The following ERC2 variants were observed in gnomAD, a reference collection of about 807,000 sequenced individuals.
ERC2 encodes the protein ERC protein 2.
ERC2 carries 42 observed loss-of-function variants against 114.8 expected under a neutral mutation model. That is an observed-to-expected ratio of 0.37 (90% CI 0.29 to 0.47). The LOEUF is 0.47. Among genes scored for constraint, ERC2 ranks in the 20% least tolerant of loss-of-function variants. ERC2 has a pLI of 0.99. For synonymous variants in ERC2, 454 were observed against 425.5 expected (o/e 1.07, Z -0.82); for missense variants, 939 against 1,150.7 (o/e 0.82, Z 2.66).
At chr3:55,973,953 T>A (rs1220761231) in intron 12 of ERC2, among the ~76,000 whole-genome samples, 1 of 152,098 alleles carries the variant, frequency 6.6e-6, no homozygotes, top group Non-Finnish European at 1.5e-5. Flanking sequence ...CATTTTAATT[T>A]TAGAAAACTA....
Position 56,456,661 on chromosome 3 carries a change from T to C in ERC2, c.-141+11587A>G, listed in dbSNP as rs573116109. On this transcript the variant is annotated intron_variant, in intron 1 of 17. Coordinates refer to ENST00000288221, the MANE Select transcript of ERC2 (RefSeq NM_015576.3). ...CACTAGCCATATTGGGCATGCCTAA[T>C]GGTTTCAATGTTTGGCTCAATTACA... Among the ~76,000 whole-genome samples, 3 of 152,356 alleles carry C rather than the reference T, an allele frequency of 2.0e-5. No homozygotes were observed. In the South Asian group the frequency reaches 6.2e-4, roughly 32 times the overall value.
intron 17 of ERC2, among the ~76,000 whole-genome samples, chr3:55,624,565 G>C (rs1248894446): frequency 6.6e-6 from 1 of 152,218 alleles, no homozygotes; most frequent in Non-Finnish European, 1.5e-5. Context: ...CCAGTGACTA[G>C]ACATGAGGTG....
intron 4 of ERC2, among the ~76,000 whole-genome samples, chr3:56,165,968 C>T (rs112300884): frequency 6.6e-6 from 1 of 151,868 alleles, no homozygotes; most frequent in Non-Finnish European, 1.5e-5. Flanking sequence ...TGTCTTATTC[C>T]TTATATCATA....
intron 6 of ERC2, among the ~76,000 whole-genome samples, chr3:56,096,202 T>A (rs2078053726): frequency 6.6e-6 from 1 of 152,270 alleles, no homozygotes. Context: ...ATACATTATA[T>A]ATTCTATCAT....
At chr3:56,072,993 T>C (rs960738359) in intron 7 of ERC2, among the ~76,000 whole-genome samples, 6 of 152,212 alleles carry the variant, frequency 3.9e-5, no homozygotes, top group African/African-American at 1.4e-4. Flanking sequence ...CACTCACATA[T>C]ATAAGTATAG....
intron 3 of ERC2, among the ~76,000 whole-genome samples, chr3:56,270,154 G>T (rs1442135398): frequency 6.6e-6 from 1 of 150,472 alleles, no homozygotes; most frequent in Non-Finnish European, 1.5e-5. Flanking sequence ...TTTCCAATGA[G>T]GGCACAAGAG....
At position 55,699,420 on chromosome 3, in the gene ERC2, A is replaced by T; in HGVS notation, c.2805T>A (p.Pro935=). The T allele has an allele frequency of 1.9e-6, 3 of 1,613,838 alleles. No individual in the cohort carries two copies. The highest frequency in any genetic ancestry group is 2.5e-6 in the Non-Finnish European group (3 of 1,179,812). The change falls in exon 16 of 18, where the codon CCT becomes CCA. Residue 935 remains proline, a synonymous_variant. Transcript: ENST00000288221. The part of the protein sequence containing the change: ...HHHHHHHHRS[P]GRSQHSNHRP... ...TGTGATTGGAATGTTGCGACCTCCCAGGAGATCGATGGTGGTGGTGATGGT... is the reference window on the plus strand; with the variant it reads ...TGTGATTGGAATGTTGCGACCTCCCTGGAGATCGATGGTGGTGGTGATGGT...
At chr3:55,861,653 T>C (rs1048968762) in intron 14 of ERC2, among the ~76,000 whole-genome samples, 1 of 152,202 alleles carries the variant, frequency 6.6e-6, no homozygotes, top group Non-Finnish European at 1.5e-5. Flanking sequence ...TTCAAAACTT[T>C]GAACTGGATT....
chr3:55,808,217 G>A (rs562549447), intron 14 of ERC2, among the ~76,000 whole-genome samples: 1 of 152,280 alleles, frequency 6.6e-6, no homozygotes, highest in Admixed American at 6.5e-5. Context: ...AGGTCATGCT[G>A]GCTCAATGGG....
At chr3:56,145,681 G>A (rs1172965685) in intron 5 of ERC2, among the ~76,000 whole-genome samples, 3 of 152,106 alleles carry the variant, frequency 2.0e-5, no homozygotes, top group Non-Finnish European at 2.9e-5. Flanking sequence ...ACTATGTTTT[G>A]TATTCCTGCC....
At chr3:56,082,970 C>G (rs577003630) in intron 6 of ERC2, among the ~76,000 whole-genome samples, 1 of 152,334 alleles carries the variant, frequency 6.6e-6, no homozygotes, top group South Asian at 2.1e-4. Flanking sequence ...CATTCCTAAA[C>G]CATCCCCCAC....
At chr3:55,840,787 A>G (rs2061098421) in intron 14 of ERC2, among the ~76,000 whole-genome samples, 1 of 152,170 alleles carries the variant, frequency 6.6e-6, no homozygotes, top group Non-Finnish European at 1.5e-5. Context: ...GCATACTAGT[A>G]GGCAATAAAA....
chr3:55,839,554 CAGAA>C (rs1054105065), intron 14 of ERC2, among the ~76,000 whole-genome samples: 5 of 150,942 alleles, frequency 3.3e-5, no homozygotes, highest in African/African-American at 9.7e-5. Context: ...GCACAAAAGA[CAGAA>C]AGAAAAAAAT....
chr3:55,567,664 G>A (rs1472535846), intron 17 of ERC2, among the ~76,000 whole-genome samples: 1 of 152,032 alleles, frequency 6.6e-6, no homozygotes, highest in Non-Finnish European at 1.5e-5. Flanking sequence ...AGGTGAGGAT[G>A]ATGCCAAGGT....
rs555819257 is a variant in ERC2, at chr3:56,231,117, G to A, written c.1075-57597C>T. On this transcript the variant is annotated intron_variant, in intron 3 of 17. Transcript: ENST00000288221. Reference sequence around the variant, plus strand: ...TTCAAACTAGGACAGTCTGATTCCAGGGCTCATGCCTTTAAGCATTATAAT... The same window carrying A: ...TTCAAACTAGGACAGTCTGATTCCAAGGCTCATGCCTTTAAGCATTATAAT... Among the ~76,000 whole-genome samples, 247 of 152,292 alleles carry A rather than the reference G, an allele frequency of 1.6e-3. 1 individual carries two copies. Among genetic ancestry groups the A allele is most frequent in the African/African-American group, 5.6e-3 (233 of 41,550 alleles).
intron 14 of ERC2, among the ~76,000 whole-genome samples, chr3:55,795,765 GA>G (rs1195296308): frequency 6.6e-6 from 1 of 152,168 alleles, no homozygotes; most frequent in African/African-American, 2.4e-5. Flanking sequence ...CATGACCTTG[GA>G]TAAGTGACTT....
intron 7 of ERC2, among the ~76,000 whole-genome samples, chr3:56,027,911 A>C (rs555608135): frequency 2.0e-5 from 3 of 152,336 alleles, no homozygotes; most frequent in South Asian, 4.1e-4. Context: ...TTTTTCTAAC[A>C]AATTTATACT....
In ERC2 at chr3:56,080,802, A is replaced by T. The variant is rs918801801; in HGVS notation, c.1641+15T>A. The T allele has an allele frequency of 2.5e-6, 4 of 1,611,794 alleles. No homozygotes were observed. The Admixed American group carries it at 5.0e-5, about 20-fold the overall frequency. On this transcript the variant is annotated intron_variant, in intron 7 of 17. Transcript: ENST00000288221. ...GGATGATACCCCACTTGAAGGTCTTATGTCAGCTACTCACCTTTTTCTGAA... is the reference window on the plus strand; with the variant it reads ...GGATGATACCCCACTTGAAGGTCTTTTGTCAGCTACTCACCTTTTTCTGAA...
chr3:55,956,831 T>G (rs1461661685), intron 12 of ERC2, among the ~76,000 whole-genome samples: 1 of 152,158 alleles, frequency 6.6e-6, no homozygotes, highest in Non-Finnish European at 1.5e-5. Flanking sequence ...CCCCACATTT[T>G]CCATCCTGGC....
Sources: gnomAD v4.1 joint callset for allele counts (sites outside exome capture counted in the v4.1 genomes callset) on GRCh38, gnomAD v4.1.1 for gene constraint, MANE v1.5 for transcripts, NCBI Gene and HGNC (gene_info 2026-07-23, HGNC 2026-07-21) for gene names.